The following CHN1 variants were observed in gnomAD, a reference collection of about 807,000 sequenced individuals.
CHN1 encodes the protein N-chimaerin.
CHN1 carries 37 observed loss-of-function variants against 59.5 expected under a neutral mutation model. The ratio of observed to expected loss-of-function variants is 0.62; its 90% CI spans 0.48 to 0.82. The LOEUF is 0.82. CHN1 is among the 40% of genes least tolerant of loss of function. The pLI, the probability that CHN1 is intolerant of heterozygous loss-of-function variation, is 0.00. For synonymous variants in CHN1, 206 were observed against 200.4 expected, an observed-to-expected ratio of 1.03 and a Z score of -0.24; for missense variants, 469 against 571.0, an observed-to-expected ratio of 0.82 and a Z score of 1.82.
intron 1 of CHN1, among the ~76,000 whole-genome samples, chr2:174,973,304 GCA>G (rs1690817868): frequency 6.6e-6 from 1 of 152,078 alleles, no homozygotes; most frequent in South Asian, 2.1e-4. Flanking sequence ...TACATAATAA[GCA>G]CAGTTATTCA....
chr2:174,811,596 A>C lies in CHN1; in HGVS notation c.887-8T>G, dbSNP rs1685076467. The C allele has an allele frequency of 6.4e-7, 1 of 1,571,142 alleles. No individual in the cohort carries two copies. Among genetic ancestry groups the C allele is most frequent in the African/African-American group, 1.4e-5 (1 of 73,978 alleles). On this transcript the variant is annotated splice_region_variant and splice_polypyrimidine_tract_variant and intron_variant, in intron 9 of 12. Coordinates refer to ENST00000409900, the MANE Select transcript of CHN1 (RefSeq NM_001822.7). Reference sequence around the variant, plus strand: ...GTCCTTCAGAATTAAGACCTGAAAAATAAAACTAGTTAGTTTCTTTGAATT... The same window carrying C: ...GTCCTTCAGAATTAAGACCTGAAAACTAAAACTAGTTAGTTTCTTTGAATT...
At chr2:174,836,928 G>A (rs1330056442) in intron 7 of CHN1, among the ~76,000 whole-genome samples, 2 of 152,220 alleles carry the variant, frequency 1.3e-5, no homozygotes. Flanking sequence ...CTTGTCACCA[G>A]AGGGAGCCTA....
chr2:174,803,915 A>T (rs183907175), intron 11 of CHN1, among the ~76,000 whole-genome samples: 248 of 152,246 alleles, frequency 1.6e-3, no homozygotes, highest in Non-Finnish European at 2.7e-3. Flanking sequence ...TAAAAAAAGA[A>T]CCCAGTTTCC....
intron 1 of CHN1, among the ~76,000 whole-genome samples, chr2:174,993,140 T>C (rs1403096652): frequency 6.6e-6 from 1 of 151,066 alleles, no homozygotes; most frequent in Non-Finnish European, 1.5e-5. Flanking sequence ...CCTTGTTATA[T>C]GATCACACTG....
intron 11 of CHN1, 117 bp downstream of exon 11, chr2:174,808,788 A>C (rs886067801): frequency 1.9e-6 from 2 of 1,078,516 alleles, no homozygotes; most frequent in Non-Finnish European, 2.8e-6. Flanking sequence ...CATTAACCAT[A>C]GAGAGAGGCA....
At chr2:174,817,273 T>C (rs1685301374) in intron 8 of CHN1, among the ~76,000 whole-genome samples, 2 of 152,184 alleles carry the variant, frequency 1.3e-5, no homozygotes, top group African/African-American at 4.8e-5. Context: ...TAGATATCTA[T>C]ATATATAATT....
At chr2:174,925,721 C>G (rs1471468914) in intron 3 of CHN1, among the ~76,000 whole-genome samples, 1 of 152,190 alleles carries the variant, frequency 6.6e-6, no homozygotes, top group African/African-American at 2.4e-5. Context: ...AACCAATTGC[C>G]AATCAAAAAA....
chr2:174,812,986 T>G (rs996992555), intron 8 of CHN1, among the ~76,000 whole-genome samples: 1 of 152,248 alleles, frequency 6.6e-6, no homozygotes, highest in African/African-American at 2.4e-5. Context: ...AACTAATATA[T>G]AATTCCTCTA....
At chr2:174,848,757 AT>A (rs1319025057) in intron 6 of CHN1, among the ~76,000 whole-genome samples, 1 of 152,064 alleles carries the variant, frequency 6.6e-6, no homozygotes, top group Non-Finnish European at 1.5e-5. Flanking sequence ...AGTCCCTTTT[AT>A]TTTTCTAAAA....
At chr2:174,863,900 T>A (rs1203956855) in intron 6 of CHN1, among the ~76,000 whole-genome samples, 1 of 151,838 alleles carries the variant, frequency 6.6e-6, no homozygotes, top group East Asian at 1.9e-4. Context: ...AATAAAAAAT[T>A]ATTTATCACT....
chr2:174,867,369 ACT>A (rs1687254207), intron 6 of CHN1, among the ~76,000 whole-genome samples: 1 of 150,194 alleles, frequency 6.7e-6, no homozygotes, highest in South Asian at 2.1e-4. Flanking sequence ...ACAGAGCGAG[ACT>A]CTGTCTCAAA....
intron 5 of CHN1, among the ~76,000 whole-genome samples, chr2:174,884,028 T>C (rs914735479): frequency 2.2e-4 from 33 of 149,012 alleles, no homozygotes; most frequent in Non-Finnish European, 3.6e-4. Flanking sequence ...GGTGCAGTGG[T>C]GCAATCTCAG....
intron 7 of CHN1, among the ~76,000 whole-genome samples, chr2:174,832,739 T>C (rs544068922): frequency 1.6e-4 from 25 of 152,214 alleles, no homozygotes; most frequent in African/African-American, 5.8e-4. Context: ...AGGGACACTC[T>C]CTGAGAAATG....
intron 1 of CHN1, among the ~76,000 whole-genome samples, chr2:174,998,085 A>G (rs1691769283): frequency 6.6e-6 from 1 of 151,086 alleles, no homozygotes; most frequent in African/African-American, 2.4e-5. Flanking sequence ...GGTGGATCAC[A>G]TGAGGTCAGG....
intron 1 of CHN1, among the ~76,000 whole-genome samples, chr2:174,976,417 T>A (rs1324457935): frequency 6.6e-6 from 1 of 151,954 alleles, no homozygotes; most frequent in East Asian, 2.0e-4. Context: ...TTTTCTATTT[T>A]TAGTACAGAC....
chr2:174,985,727 G>A (rs146168898), intron 1 of CHN1, among the ~76,000 whole-genome samples: 303 of 152,252 alleles, frequency 2.0e-3, no homozygotes, highest in African/African-American at 7.2e-3. Flanking sequence ...TGTTTAAAAT[G>A]TTAAATTGAA....
chr2:174,836,418 T>G (rs1686081299), intron 7 of CHN1, among the ~76,000 whole-genome samples: 1 of 152,238 alleles, frequency 6.6e-6, no homozygotes, highest in South Asian at 2.1e-4. Context: ...AACCAGTGAC[T>G]TTAATAGGCT....
At chr2:174,906,739 T>C (rs1196653410) in intron 5 of CHN1, among the ~76,000 whole-genome samples, 2 of 152,190 alleles carry the variant, frequency 1.3e-5, no homozygotes, top group African/African-American at 4.8e-5. Context: ...TAACACTGTT[T>C]GAATAGAAGG....
At chr2:174,877,495 C>T (rs1156573706) in intron 6 of CHN1, among the ~76,000 whole-genome samples, 1 of 151,944 alleles carries the variant, frequency 6.6e-6, no homozygotes, top group Non-Finnish European at 1.5e-5. Context: ...TAATGCAACC[C>T]CCTCAATTAC....
Sources: gnomAD v4.1 joint callset for allele counts (sites outside exome capture counted in the v4.1 genomes callset) on GRCh38, gnomAD v4.1.1 for gene constraint, MANE v1.5 for transcripts, NCBI Gene and HGNC (gene_info 2026-07-23, HGNC 2026-07-21) for gene names.